The following MAGI2 variants were observed in gnomAD, a reference collection of about 807,000 sequenced individuals.
MAGI2 encodes membrane associated guanylate kinase, WW and PDZ domain containing 2, also known as membrane-associated guanylate kinase, WW and PDZ domain-containing protein 2.
A neutral mutation model predicts 133.3 loss-of-function variants in MAGI2; 35 were observed. That is an observed-to-expected ratio of 0.26 (90% CI 0.20 to 0.35). The LOEUF is 0.35. Among genes scored for constraint, MAGI2 ranks in the 10% least tolerant of loss-of-function variants. The probability of loss-of-function intolerance (pLI) is 1.00; values close to 1 mark genes in which losing one functional copy is unlikely to be tolerated. For synonymous variants in MAGI2, 729 were observed against 710.6 expected, an observed-to-expected ratio of 1.03 and a Z score of -0.41; for missense variants, 1,636 against 1,863.4, an observed-to-expected ratio of 0.88 and a Z score of 2.25.
chr7:78,127,294 G>T lies in MAGI2; in HGVS notation c.3326C>A (p.Pro1109His). 1 of 1,608,136 alleles carries T rather than the reference G, an allele frequency of 6.2e-7. No homozygotes were observed. Among genetic ancestry groups the T allele is most frequent in the Non-Finnish European group, 8.5e-7 (1 of 1,175,956 alleles). ...RQPPGGDYQQ[P>H]PPLDYRQPPL... Reference sequence around the variant, plus strand: ...AGGCTGCCTGTAGTCCAAGGGTGGGGGCTGCTGGTAGTCCCCTCCTGGGGG... The same window carrying T: ...AGGCTGCCTGTAGTCCAAGGGTGGGTGCTGCTGGTAGTCCCCTCCTGGGGG... The change falls in exon 19 of 22, where the codon CCC becomes CAC. Residue 1109 changes from proline (P) to histidine (H), a missense_variant. Physicochemically the swap from Pro to His is moderately conservative, Grantham distance 77. Around this residue, in one of 5 missense-constraint regions of MAGI2, gnomAD observed 920 missense variants for 1,093.5 expected, o/e 0.84. Transcript: ENST00000354212.
intron 1 of MAGI2, among the ~76,000 whole-genome samples, chr7:79,377,709 G>A (rs566548687): frequency 8.6e-5 from 13 of 151,904 alleles, no homozygotes; most frequent in East Asian, 5.8e-4. Context: ...CAGCAGCAGA[G>A]AGGCATCACT....
chr7:78,244,722 T>C (rs1791576272), intron 10 of MAGI2, among the ~76,000 whole-genome samples: 1 of 152,166 alleles, frequency 6.6e-6, no homozygotes, highest in Admixed American at 6.5e-5. Flanking sequence ...TGATTGAACA[T>C]AGTTTATTCC....
At chr7:79,055,489 A>C (rs1259900553) in intron 1 of MAGI2, among the ~76,000 whole-genome samples, 1 of 152,214 alleles carries the variant, frequency 6.6e-6, no homozygotes, top group Non-Finnish European at 1.5e-5. Flanking sequence ...TGTGTGCCTA[A>C]TGACATAGAT....
chr7:78,577,343 T>C (rs1802371207), intron 3 of MAGI2, among the ~76,000 whole-genome samples: 1 of 152,258 alleles, frequency 6.6e-6, no homozygotes, highest in South Asian at 2.1e-4. Flanking sequence ...TATGGGGTCC[T>C]AATTGAATTA....
chr7:79,157,176 A>G (rs1823857983), intron 1 of MAGI2, among the ~76,000 whole-genome samples: 1 of 152,100 alleles, frequency 6.6e-6, no homozygotes, highest in African/African-American at 2.4e-5. Context: ...TGTTGTTTTC[A>G]TATGTAAATA....
At position 78,962,402 on chromosome 7, in the gene MAGI2, A is replaced by C. The variant is rs372822258; in HGVS notation, c.418+44688T>G. Among the ~76,000 whole-genome samples the C allele has an allele frequency of 2.5e-4, 38 of 152,086 alleles. No individual in the cohort carries two copies. In the South Asian group the frequency reaches 6.0e-3, roughly 24 times the overall value. On this transcript the variant is annotated intron_variant, in intron 2 of 21. Transcript: ENST00000354212. ...TTTAGTATGACTTTTGTTTTGTTTTACTTAAATATAGTTGAAAGGAACAGA... is the reference window on the plus strand; with the variant it reads ...TTTAGTATGACTTTTGTTTTGTTTTCCTTAAATATAGTTGAAAGGAACAGA...
chr7:78,699,009 A>C (rs1817794392), intron 2 of MAGI2, among the ~76,000 whole-genome samples: 1 of 152,216 alleles, frequency 6.6e-6, no homozygotes, highest in African/African-American at 2.4e-5. Context: ...TTTATATACT[A>C]TTTAGAGTCA....
chr7:78,434,725 T>C (rs1800116994), intron 6 of MAGI2, among the ~76,000 whole-genome samples: 2 of 151,938 alleles, frequency 1.3e-5, no homozygotes, highest in African/African-American at 4.8e-5. Flanking sequence ...ATATAAAGGG[T>C]AAAACTGAAA....
chr7:78,424,389 C>T (rs1186777217), intron 6 of MAGI2, among the ~76,000 whole-genome samples: 1 of 152,146 alleles, frequency 6.6e-6, no homozygotes, highest in Non-Finnish European at 1.5e-5. Flanking sequence ...AAGTTTGCTG[C>T]AGGGGTGGGG....
At chr7:79,328,905 C>T (rs554616692) in intron 1 of MAGI2, among the ~76,000 whole-genome samples, 8 of 152,252 alleles carry the variant, frequency 5.3e-5, no homozygotes, top group Non-Finnish European at 1.0e-4. Flanking sequence ...GATTGTATCG[C>T]TGGTTCTCAA....
At chr7:78,921,822 C>G (rs185863971) in intron 2 of MAGI2, among the ~76,000 whole-genome samples, 96 of 152,086 alleles carry the variant, frequency 6.3e-4, no homozygotes, top group African/African-American at 2.0e-3. Flanking sequence ...TTATTGGAGA[C>G]AGGTTTCGCC....
At chr7:78,398,423 A>G (rs563483508) in intron 6 of MAGI2, among the ~76,000 whole-genome samples, 2 of 152,108 alleles carry the variant, frequency 1.3e-5, no homozygotes, top group African/African-American at 4.8e-5. Context: ...CTTATTGGAC[A>G]TATATGGAAC....
rs774328144 is a variant in MAGI2, at chr7:78,019,749, C to G, written c.3934G>C (p.Glu1312Gln). 1 of 1,611,816 alleles carries G rather than the reference C, an allele frequency of 6.2e-7. No homozygotes were observed. Among genetic ancestry groups the G allele is most frequent in the Middle Eastern group, 1.7e-4 (1 of 6,054 alleles). The change falls in exon 22 of 22, where the codon GAG becomes CAG. Residue 1312 changes from glutamate to glutamine, a missense_variant. By Grantham distance (29) the Glu-to-Gln change is conservative (BLOSUM62 2). Coordinates refer to ENST00000354212, the MANE Select transcript of MAGI2 (RefSeq NM_012301.4). ...ACGQKKQRLG[E>Q]QRERSASPQR... The stretch of plus-strand genomic sequence containing the variant: ...GGACTCGCCGAGCGCTCCCTCTGCT[C>G]CCCGAGGCGCTGCTTCTTCTGGCCG...
chr7:78,313,425 A>G (rs578065038), intron 9 of MAGI2, among the ~76,000 whole-genome samples: 1 of 152,228 alleles, frequency 6.6e-6, no homozygotes, highest in East Asian at 1.9e-4. Flanking sequence ...TAATGACATA[A>G]AAAAATTCAA....
chr7:78,615,150 T>A (rs1163591283), intron 3 of MAGI2: 1 of 152,180 alleles, frequency 6.6e-6, no homozygotes, highest in Non-Finnish European at 1.5e-5. Flanking sequence ...CTAACCTGCA[T>A]ACACCATTAT....
intron 10 of MAGI2, among the ~76,000 whole-genome samples, chr7:78,250,593 G>A (rs1019418811): frequency 6.6e-6 from 1 of 151,964 alleles, no homozygotes; most frequent in Non-Finnish European, 1.5e-5. Context: ...TCAAAAGTTA[G>A]TTCTTAAAAA....
chr7:79,171,770 A>ATATATATATTTTTTT, intron 1 of MAGI2, among the ~76,000 whole-genome samples: 15 of 31,218 alleles, frequency 4.8e-4, no homozygotes, highest in East Asian at 2.0e-3. Context: ...ATATATATAT[A>ATATATATATTTTTTT]TTTTTTTTTT....
At chr7:79,319,068 T>C (rs766089240) in intron 1 of MAGI2, among the ~76,000 whole-genome samples, 1 of 152,188 alleles carries the variant, frequency 6.6e-6, no homozygotes, top group Non-Finnish European at 1.5e-5. Context: ...TCTATTGGTA[T>C]CTCAGCGTCT....
intron 1 of MAGI2, among the ~76,000 whole-genome samples, chr7:79,264,100 T>C (rs1206029921): frequency 1.3e-5 from 2 of 152,194 alleles, no homozygotes; most frequent in Non-Finnish European, 2.9e-5. Flanking sequence ...TTGTATTCTT[T>C]TTTCATACTT....
Sources: gnomAD v4.1 joint callset for allele counts (sites outside exome capture counted in the v4.1 genomes callset) on GRCh38, gnomAD v4.1.1 for gene constraint, gnomAD v4.1.1 regional missense constraint, MANE v1.5 for transcripts, NCBI Gene and HGNC (gene_info 2026-07-23, HGNC 2026-07-21) for gene names.